The following SOWAHC variants were observed in gnomAD, a reference collection of about 807,000 sequenced individuals.
SOWAHC encodes the protein sosondowah ankyrin repeat domain family member C, also known as ankyrin repeat domain-containing protein SOWAHC.
Under a neutral mutation model 14.4 loss-of-function variants are expected in SOWAHC, and 12 were observed. That is an observed-to-expected ratio of 0.83 (90% CI 0.53 to 1.35). The LOEUF is 1.35. Among genes scored for constraint, SOWAHC ranks in the 40% most tolerant of loss-of-function variants. SOWAHC has a pLI of 0.00. For missense variants in SOWAHC, 771 were observed against 752.8 expected, an observed-to-expected ratio of 1.02 and a Z score of -0.28; for synonymous variants, 398 against 347.0, an observed-to-expected ratio of 1.15 and a Z score of -1.63.
chr2:109,614,530 G>T lies in SOWAHC; in HGVS notation c.41G>T (p.Gly14Val), dbSNP rs1017556901. The T allele has an allele frequency of 2.3e-5, 29 of 1,283,748 alleles. No homozygotes were observed. Among genetic ancestry groups the T allele is most frequent in the Non-Finnish European group, 2.6e-5 (27 of 1,022,484 alleles). 79.5% of individuals were successfully genotyped at this position (1,283,748 alleles called of 1,614,324 possible). A position where few individuals can be genotyped will look rare whatever the true frequency, so the allele number is the denominator to read the frequency against. The stretch of plus-strand genomic sequence containing the variant: ...GAGTGGGGCCCCGAGGCGGCGCTGG[G>T]CCCCGAGGCGGTGCTGCGCTTCCTG... Reference protein sequence around the residue: ...PAEWGPEAALGPEAVLRFLAE... With the variant: ...PAEWGPEAALVPEAVLRFLAE... The change falls in exon 1 of 1, where the codon GGC (glycine) becomes GTC (valine). Residue 14 changes from glycine to valine, a missense_variant. Coordinates refer to ENST00000356454, the MANE Select transcript of SOWAHC (RefSeq NM_023016.4).
In SOWAHC at chr2:109,617,766, C is replaced by G. The variant is rs1404002196; in HGVS notation, c.*1699C>G. On this transcript the variant is annotated 3_prime_UTR_variant, in exon 1 of 1. Transcript: ENST00000356454. ...AGGCATGGTGGCTCATGCCTGTAATCCCAGCACTTTGGGAGGCCGAGGCAG... is the reference window on the plus strand; with the variant it reads ...AGGCATGGTGGCTCATGCCTGTAATGCCAGCACTTTGGGAGGCCGAGGCAG... The G allele has an allele frequency of 6.0e-6, 1 of 165,918 alleles. No individual in the cohort carries two copies. Among genetic ancestry groups the G allele is most frequent in the Non-Finnish European group, 1.5e-5 (1 of 68,140 alleles). The allele number at this position is 165,918 out of a possible 1,614,324, so 10.3% of individuals were successfully genotyped here.
Position 109,614,846 on chromosome 2 carries a change from C to G in SOWAHC, c.357C>G (p.Pro119=), listed in dbSNP as rs1438227346. 7.1e-7 allele frequency: 1 copy of G among 1,403,546 alleles called. No homozygotes were observed. Among genetic ancestry groups the G allele is most frequent in the East Asian group, 3.1e-5 (1 of 32,750 alleles). The allele number at this position is 1,403,546 out of a possible 1,614,324, so 86.9% of individuals were successfully genotyped here. A position where few individuals can be genotyped will look rare whatever the true frequency, so the allele number is the denominator to read the frequency against. Residue 119 remains proline, a synonymous_variant, in exon 1 of 1, where the codon CCC becomes CCG. Transcript: ENST00000356454. The part of the protein sequence containing the change: ...PAGPEARDRL[P]DAAAPESLPG... ...GGCCCGAGGCGCGCGATCGGCTCCC[C>G]GACGCGGCGGCCCCGGAGTCGCTCC...
rs1353944478 is a variant in SOWAHC, at chr2:109,614,749, C to T, written c.260C>T (p.Pro87Leu). Residue 87 changes from proline to leucine, a missense_variant, in exon 1 of 1, where the codon CCG becomes CTG. Physicochemically the swap from Pro to Leu is moderately conservative, Grantham distance 98 (BLOSUM62 -3). Transcript: ENST00000356454. ...CTCAAGAAGAGGTTCTGTGAAGGGC[C>T]GTCCGAGCCCTCCGGGGACCCGCCG... ...VHLKKRFCEG[P>L]SEPSGDPPRI... 4.0e-6 allele frequency: 6 copies of T among 1,482,598 alleles called. No individual in the cohort carries two copies. The African/African-American group carries it at 4.4e-5, about 11-fold the overall frequency. 91.8% of individuals were successfully genotyped at this position (1,482,598 alleles called of 1,614,324 possible). A position where few individuals can be genotyped will look rare whatever the true frequency, so the allele number is the denominator to read the frequency against.
Position 109,615,645 on chromosome 2 carries a change from A to G in SOWAHC, c.1156A>G (p.Ile386Val). 2 of 1,613,812 alleles carry G rather than the reference A, an allele frequency of 1.2e-6. No individual in the cohort carries two copies. The highest frequency in any genetic ancestry group is 1.7e-6 in the Non-Finnish European group (2 of 1,179,722). Reference sequence around the variant, plus strand: ...GGCCTCCCAGTACCTGAGTCGGAGCATCGCCGAGGAGATCAAGAACCTGGT... The same window carrying G: ...GGCCTCCCAGTACCTGAGTCGGAGCGTCGCCGAGGAGATCAAGAACCTGGT... ...KKASQYLSRS[I>V]AEEIKNLVGA... The change falls in exon 1 of 1, where the codon ATC becomes GTC. Residue 386 changes from isoleucine to valine, a missense_variant. Transcript: ENST00000356454.
rs1700105730 is a variant in SOWAHC at position 109,615,568 on chromosome 2, T to C, written c.1079T>C (p.Leu360Pro). The C allele has an allele frequency of 6.2e-7, 1 of 1,613,976 alleles. No individual in the cohort carries two copies. Among genetic ancestry groups the C allele is most frequent in the Non-Finnish European group, 8.5e-7 (1 of 1,180,018 alleles). Residue 360 changes from leucine (L) to proline (P), a missense_variant, in exon 1 of 1, where the codon CTG becomes CCG. Transcript: ENST00000356454. ...MHGHVEVVKLLVGAYDADVDI... is the reference protein window; with the variant it reads ...MHGHVEVVKLPVGAYDADVDI... ...GGCCACGTGGAGGTGGTGAAGCTGC[T>C]GGTGGGGGCCTACGACGCCGATGTG...
rs1424477204 is a variant in SOWAHC at position 109,618,820 on chromosome 2, T to A, written c.*2753T>A. 1.2e-5 allele frequency: 2 copies of A among 167,050 alleles called. No individual in the cohort carries two copies. Among genetic ancestry groups the A allele is most frequent in the African/African-American group, 4.8e-5 (2 of 41,470 alleles). 10.3% of individuals were successfully genotyped at this position (167,050 alleles called of 1,614,324 possible). A position where few individuals can be genotyped will look rare whatever the true frequency, so the allele number is the denominator to read the frequency against. On this transcript the variant is annotated 3_prime_UTR_variant, in exon 1 of 1. Transcript: ENST00000356454. ...TGTTTGTCACATTTCACTTTCATGG[T>A]ATATAAAATGCAGTTTGCATATATA...
Position 109,617,077 on chromosome 2 carries a change from G to T in SOWAHC, c.*1010G>T. The T allele has an allele frequency of 6.0e-6, 1 of 167,054 alleles. No homozygotes were observed. 10.3% of individuals were successfully genotyped at this position (167,054 alleles called of 1,614,324 possible). ...AGTATTCATGAGCCCATGTTTCTGT[G>T]AAGTAATTATTAAACCAACTTAATG... On this transcript the variant is annotated 3_prime_UTR_variant, in exon 1 of 1. Transcript: ENST00000356454.
Position 109,615,934 on chromosome 2 carries a change from T to G in SOWAHC, c.1445T>G (p.Val482Gly). The change falls in exon 1 of 1, where the codon GTC (valine) becomes GGC (glycine). Residue 482 changes from valine to glycine, a missense_variant. Val to Gly is a moderately radical substitution (Grantham distance 109). Transcript: ENST00000356454. The stretch of plus-strand genomic sequence containing the variant: ...AAAATCCGATTCAGAACCCAGATCG[T>G]CCACACCACACCCTCTTTCAGGGAC... ...LNKIRFRTQI[V>G]HTTPSFRDPE... is the part of the protein sequence containing the mutation. The G allele has an allele frequency of 6.2e-7, 1 of 1,604,226 alleles. No individual in the cohort carries two copies. The highest frequency in any genetic ancestry group is 8.5e-7 in the Non-Finnish European group (1 of 1,175,342).
Position 109,616,322 on chromosome 2 carries a change from T to A in SOWAHC, c.*255T>A. ...TGCCCTGGAGTCCGTTTCTGGAGAC[T>A]AGAAATGTATCTAAATTGGGGGAAC... On this transcript the variant is annotated 3_prime_UTR_variant, in exon 1 of 1. Coordinates refer to ENST00000356454, the MANE Select transcript of SOWAHC (RefSeq NM_023016.4). The A allele has an allele frequency of 3.0e-6, 1 of 332,456 alleles. No homozygotes were observed. The highest frequency in any genetic ancestry group is 5.5e-6 in the Non-Finnish European group (1 of 181,644). 20.6% of individuals were successfully genotyped at this position (332,456 alleles called of 1,614,324 possible).
Position 109,615,945 on chromosome 2 carries a change from C to T in SOWAHC, c.1456C>T (p.Pro486Ser), listed in dbSNP as rs991518487. The change falls in exon 1 of 1, where the codon CCC becomes TCC. Residue 486 changes from proline (P) to serine (S), a missense_variant. By Grantham distance (74) the Pro-to-Ser change is moderately conservative. Coordinates refer to ENST00000356454, the MANE Select transcript of SOWAHC (RefSeq NM_023016.4). ...CAGAACCCAGATCGTCCACACCACA[C>T]CCTCTTTCAGGGACCCAGAGCAGCC... The part of the protein sequence containing the change: ...RFRTQIVHTT[P>S]SFRDPEQPLE... The T allele has an allele frequency of 5.0e-6, 8 of 1,598,016 alleles. No homozygotes were observed. The Middle Eastern group carries it at 5.0e-4, about 100-fold the overall frequency.
In SOWAHC at chr2:109,618,643, G is replaced by T. The variant is rs973575167; in HGVS notation, c.*2576G>T. On this transcript the variant is annotated 3_prime_UTR_variant, in exon 1 of 1. Coordinates refer to ENST00000356454, the MANE Select transcript of SOWAHC (RefSeq NM_023016.4). ...CCAGTCAAGATTATAAAAAGCAAAT[G>T]ATTGATATAATTTGATATTCATAGA... The T allele has an allele frequency of 6.0e-6, 1 of 166,850 alleles. No individual in the cohort carries two copies. Among genetic ancestry groups the T allele is most frequent in the African/African-American group, 2.4e-5 (1 of 41,422 alleles). The allele number at this position is 166,850 out of a possible 1,614,324, so 10.3% of individuals were successfully genotyped here. A position where few individuals can be genotyped will look rare whatever the true frequency, so the allele number is the denominator to read the frequency against.
In SOWAHC at chr2:109,615,680, G is replaced by T. The variant is rs1465838095; in HGVS notation, c.1191G>T (p.Leu397=). Residue 397 remains leucine (L), a synonymous_variant, in exon 1 of 1, where the codon CTG becomes CTT. Coordinates refer to ENST00000356454, the MANE Select transcript of SOWAHC (RefSeq NM_023016.4). ...AEEIKNLVGA[L]DEGDGESAAG... The stretch of plus-strand genomic sequence containing the variant: ...AGATCAAGAACCTGGTGGGAGCCCT[G>T]GACGAGGGTGACGGGGAAAGCGCCG... The T allele has an allele frequency of 2.5e-6, 4 of 1,614,070 alleles. No individual in the cohort carries two copies. Among genetic ancestry groups the T allele is most frequent in the Non-Finnish European group, 3.4e-6 (4 of 1,179,990 alleles).
chr2:109,615,153 C>T lies in SOWAHC; in HGVS notation c.664C>T (p.Pro222Ser). 1 of 1,549,446 alleles carries T rather than the reference C, an allele frequency of 6.5e-7. No homozygotes were observed. Among genetic ancestry groups the T allele is most frequent in the Non-Finnish European group, 8.7e-7 (1 of 1,146,768 alleles). The change falls in exon 1 of 1, where the codon CCC becomes TCC. Residue 222 changes from proline to serine, a missense_variant. Physicochemically the swap from Pro to Ser is moderately conservative, Grantham distance 74. Transcript: ENST00000356454. ...CCCGCAGCTGAAGAGGAGCGTGTGT[C>T]CCGGGGGCAGCAGCCCGGGCAGCTC... is the stretch of plus-strand genomic sequence containing the variant. Reference protein sequence around the residue: ...SSPQLKRSVCPGGSSPGSSSG... With the variant: ...SSPQLKRSVCSGGSSPGSSSG...
In SOWAHC at chr2:109,615,516, A is replaced by G; in HGVS notation, c.1027A>G (p.Thr343Ala). The G allele has an allele frequency of 6.2e-7, 1 of 1,613,848 alleles. No homozygotes were observed. Among genetic ancestry groups the G allele is most frequent in the Non-Finnish European group, 8.5e-7 (1 of 1,180,032 alleles). The change falls in exon 1 of 1, where the codon ACC becomes GCC. Residue 343 changes from threonine (T) to alanine (A), a missense_variant. Coordinates refer to ENST00000356454, the MANE Select transcript of SOWAHC (RefSeq NM_023016.4). Reference sequence around the variant, plus strand: ...CGACGCCAGGACGAGCGGGGGTTACACCGCCCTGCACTTGGCAGCCATGCA... The same window carrying G: ...CGACGCCAGGACGAGCGGGGGTTACGCCGCCCTGCACTTGGCAGCCATGCA... ...NIDARTSGGY[T>A]ALHLAAMHGH...
Position 109,614,463 on chromosome 2 carries a change from G to T in SOWAHC, c.-27G>T. On this transcript the variant is annotated 5_prime_UTR_variant, in exon 1 of 1. Coordinates refer to ENST00000356454, the MANE Select transcript of SOWAHC (RefSeq NM_023016.4). ...GCTATGGGACCGCGCTGAGCCGCCC[G>T]CTGGCGGGGGAGCAGCGCGGTCGAG... The T allele has an allele frequency of 8.2e-7, 1 of 1,213,730 alleles. No individual in the cohort carries two copies. The highest frequency in any genetic ancestry group is 1.0e-6 in the Non-Finnish European group (1 of 976,278). The allele number at this position is 1,213,730 out of a possible 1,614,324, so 75.2% of individuals were successfully genotyped here. A position where few individuals can be genotyped will look rare whatever the true frequency, so the allele number is the denominator to read the frequency against.
Position 109,615,836 on chromosome 2 carries a change from C to T in SOWAHC, c.1347C>T (p.Val449=), listed in dbSNP as rs1370489352. The T allele has an allele frequency of 6.2e-7, 1 of 1,614,104 alleles. No homozygotes were observed. The highest frequency in any genetic ancestry group is 2.2e-5 in the East Asian group (1 of 44,862). The part of the protein sequence containing the change: ...HHHHHSAEGW[V]GGKAKDPGRK... ...ATCACCACTCGGCTGAGGGGTGGGT[C>T]GGAGGCAAAGCCAAGGATCCAGGGC... The change falls in exon 1 of 1, where the codon GTC becomes GTT. Residue 449 remains valine (V), a synonymous_variant. Coordinates refer to ENST00000356454, the MANE Select transcript of SOWAHC (RefSeq NM_023016.4).
Position 109,615,671 on chromosome 2 carries a change from G to A in SOWAHC, c.1182G>A (p.Val394=). The A allele has an allele frequency of 6.2e-7, 1 of 1,614,142 alleles. No individual in the cohort carries two copies. The highest frequency in any genetic ancestry group is 8.5e-7 in the Non-Finnish European group (1 of 1,180,016). The change falls in exon 1 of 1, where the codon GTG becomes GTA. Residue 394 remains valine (V), a synonymous_variant. Transcript: ENST00000356454. ...RSIAEEIKNL[V]GALDEGDGES... is the part of the protein sequence containing the mutation. ...TCGCCGAGGAGATCAAGAACCTGGT[G>A]GGAGCCCTGGACGAGGGTGACGGGG...
In SOWAHC at chr2:109,618,311, A is replaced by G. The variant is rs1700175428; in HGVS notation, c.*2244A>G. 6.0e-6 allele frequency: 1 copy of G among 166,806 alleles called. No homozygotes were observed. The highest frequency in any genetic ancestry group is 2.4e-5 in the African/African-American group (1 of 41,466). The allele number at this position is 166,806 out of a possible 1,614,324, so 10.3% of individuals were successfully genotyped here. A position where few individuals can be genotyped will look rare whatever the true frequency, so the allele number is the denominator to read the frequency against. ...GACATGTAAAGCTGAAGTAACTCTA[A>G]AGAGCAGATGCTTCAGAACCATCAG... On this transcript the variant is annotated 3_prime_UTR_variant, in exon 1 of 1. Transcript: ENST00000356454.
chr2:109,616,998 T>G lies in SOWAHC; in HGVS notation c.*931T>G, dbSNP rs986988712. 6.0e-6 allele frequency: 1 copy of G among 166,982 alleles called. No homozygotes were observed. The highest frequency in any genetic ancestry group is 1.5e-5 in the Non-Finnish European group (1 of 68,120). The allele number at this position is 166,982 out of a possible 1,614,324, so 10.3% of individuals were successfully genotyped here. A position where few individuals can be genotyped will look rare whatever the true frequency, so the allele number is the denominator to read the frequency against. ...AACCCTATTTAATGGTGCTTAGAGC[T>G]GAATTACCTACAGAAACTGTTTCTG... On this transcript the variant is annotated 3_prime_UTR_variant, in exon 1 of 1. Coordinates refer to ENST00000356454, the MANE Select transcript of SOWAHC (RefSeq NM_023016.4).
Sources: allele counts gnomAD v4.1 joint callset, GRCh38; gene constraint gnomAD v4.1.1; transcripts MANE v1.5; gene names NCBI Gene and HGNC (gene_info 2026-07-23, HGNC 2026-07-21).